The following CMPK2 variants were observed in gnomAD, a reference collection of about 807,000 sequenced individuals.
CMPK2 encodes UMP-CMP kinase 2, mitochondrial.
In CMPK2, 32 loss-of-function variants were observed where a neutral mutation model predicts 33.4. That is an observed-to-expected ratio of 0.96 (90% CI 0.72 to 1.29). The LOEUF is 1.29. CMPK2 is among the 50% of genes most tolerant of loss of function. CMPK2 has a pLI of 0.00. For synonymous variants in CMPK2, 299 were observed against 275.3 expected (o/e 1.09, Z -0.85); for missense variants, 672 against 616.0 (o/e 1.09, Z -0.96).
downstream of CMPK2, among the ~76,000 whole-genome samples, chr2:6,843,508 G>T (rs1327495068): frequency 2.0e-5 from 3 of 152,162 alleles, no homozygotes; most frequent in Non-Finnish European, 4.4e-5. Flanking sequence ...AGTTAGGGAA[G>T]GAGGTGGGAT....
chr2:6,857,042 TTATGCTACTATCATATGA>T (rs1215006161), intron 3 of CMPK2, among the ~76,000 whole-genome samples: 1 of 152,222 alleles, frequency 6.6e-6, no homozygotes, highest in Non-Finnish European at 1.5e-5. Flanking sequence ...CTCTAAGTGA[TTATGCTACTATCATATGA>T]TATGTTCTGA....
chr2:6,865,601 GC>G lies in CMPK2; in HGVS notation c.95del (p.Arg32ProfsTer16). 7.2e-7 allele frequency: 1 copy of G among 1,394,316 alleles called. No individual in the cohort carries two copies. Among genetic ancestry groups the G allele is most frequent in the Non-Finnish European group, 9.3e-7 (1 of 1,074,144 alleles). 86.4% of individuals were successfully genotyped at this position (1,394,316 alleles called of 1,614,324 possible). A position where few individuals can be genotyped will look rare whatever the true frequency, so the allele number is the denominator to read the frequency against. On this transcript the variant is annotated frameshift_variant, in exon 1 of 5. Transcript: ENST00000256722. LOFTEE classifies it high-confidence loss of function. ...TGCAGTCGGGAAGCTCCAGGACGAA[GC>G]GGCGCGGCGGAGCCATGGCCCCAGC... is the stretch of plus-strand genomic sequence containing the variant. The part of the protein sequence containing the change: ...VCAGAMAPPR[R>X]FVLELPDCTL...
intron 3 of CMPK2, chr2:6,840,798 T>C: frequency 1.6e-6 from 1 of 637,564 alleles, no homozygotes. Flanking sequence ...CTGCTAGAAC[T>C]GGGCCAGGGA....
Position 6,848,849 on chromosome 2 carries a change from T to A in CMPK2, c.*1001A>T, listed in dbSNP as rs902982649. ...GATTTCATATGTAATCATGAGACAT[T>A]CAAGTGCAAGATAATTTACCAAGAA... On this transcript the variant is annotated 3_prime_UTR_variant, in exon 5 of 5. Coordinates refer to ENST00000256722, the MANE Select transcript of CMPK2 (RefSeq NM_207315.4). 4 of 985,728 alleles carry A rather than the reference T, an allele frequency of 4.1e-6. No homozygotes were observed. The African/African-American group carries it at 7.0e-5, about 17-fold the overall frequency. 61.1% of individuals were successfully genotyped at this position (985,728 alleles called of 1,614,324 possible). A position where few individuals can be genotyped will look rare whatever the true frequency, so the allele number is the denominator to read the frequency against.
At position 6,843,006 on chromosome 2, in the gene CMPK2, CAGT is replaced by C. The variant is rs549000038; in HGVS notation, c.993-2331_993-2329del. On this transcript the variant is annotated intron_variant, in intron 3 of 3. Coordinates refer to the CMPK2 transcript ENST00000458098. ...TCAGTGCATTTTTGAGAAAGTCCCT[CAGT>C]TGGGACACAGAGGGGAATATCATCT... is the stretch of plus-strand genomic sequence containing the variant. Among the ~76,000 whole-genome samples the C allele has an allele frequency of 2.1e-3, 316 of 152,324 alleles. 1 individual carries two copies. The highest frequency in any genetic ancestry group is 3.5e-3 in the Non-Finnish European group (238 of 68,030).
chr2:6,865,769 A>G lies in CMPK2; in HGVS notation c.-73T>C. 7.9e-7 allele frequency: 1 copy of G among 1,258,878 alleles called. No homozygotes were observed. The highest frequency in any genetic ancestry group is 2.6e-5 in the South Asian group (1 of 38,370). The allele number at this position is 1,258,878 out of a possible 1,614,324, so 78.0% of individuals were successfully genotyped here. On this transcript the variant is annotated 5_prime_UTR_variant, in exon 1 of 5. Coordinates refer to ENST00000256722, the MANE Select transcript of CMPK2 (RefSeq NM_207315.4). ...TGGCGGGAGCCAGGCGCCGGCGGGA[A>G]ACGAAACCCGGAGGGAGCCAGGCGC...
At chr2:6,862,460 T>C (rs1261758702) in intron 2 of CMPK2, among the ~76,000 whole-genome samples, 1 of 152,260 alleles carries the variant, frequency 6.6e-6, no homozygotes, top group Non-Finnish European at 1.5e-5. Flanking sequence ...GTAACATTTG[T>C]ATGTGTGGAT....
At chr2:6,862,803 C>T (rs1014497719) in intron 2 of CMPK2, among the ~76,000 whole-genome samples, 2 of 152,208 alleles carry the variant, frequency 1.3e-5, no homozygotes, top group Non-Finnish European at 2.9e-5. Context: ...AAAGTCTGTA[C>T]CCCTCAAGTT....
downstream of CMPK2, among the ~76,000 whole-genome samples, chr2:6,846,746 A>T (rs1442715949): frequency 6.6e-6 from 1 of 152,244 alleles, no homozygotes; most frequent in Non-Finnish European, 1.5e-5. Context: ...CCAATCCCAC[A>T]TGATGGCTAG....
Position 6,865,226 on chromosome 2 carries a change from T to C in CMPK2, c.471A>G (p.Pro157=). The change falls in exon 1 of 5, where the codon CCA becomes CCG. Residue 157 remains proline (P), a synonymous_variant. Transcript: ENST00000256722. Reference sequence around the variant, plus strand: ...CCTCGAACTCGCCCAAGTGCGGGCGTGGTGCCTCCTGACAGGCGCCCAGCA... The same window carrying C: ...CCTCGAACTCGCCCAAGTGCGGGCGCGGTGCCTCCTGACAGGCGCCCAGCA... ...LELLGACQEA[P]RPHLGEFEAD... is the part of the protein sequence containing the mutation. 1 of 1,534,934 alleles carries C rather than the reference T, an allele frequency of 6.5e-7. No individual in the cohort carries two copies. Among genetic ancestry groups the C allele is most frequent in the Admixed American group, 1.9e-5 (1 of 51,804 alleles).
rs916058233 is a variant in CMPK2 at position 6,865,520 on chromosome 2, G to T, written c.177C>A (p.Asp59Glu). 7.8e-7 allele frequency: 1 copy of T among 1,287,848 alleles called. No homozygotes were observed. Among genetic ancestry groups the T allele is most frequent in the Non-Finnish European group, 9.8e-7 (1 of 1,022,354 alleles). The allele number at this position is 1,287,848 out of a possible 1,614,324, so 79.8% of individuals were successfully genotyped here. The change falls in exon 1 of 5, where the codon GAC (aspartate) becomes GAA (glutamate). Residue 59 changes from aspartate to glutamate, a missense_variant. Physicochemically the swap from Asp to Glu is conservative, Grantham distance 45 (BLOSUM62 2). Transcript: ENST00000256722. ...GCCCCAGCAGCGCCGCCAGGCGGGG[G>T]TCGGGGGCGTCTGCGTCGCCGGGGG... The part of the protein sequence containing the change: ...ADAPGDADAP[D>E]PRLAALLGPP...
intron 3 of CMPK2, among the ~76,000 whole-genome samples, chr2:6,841,206 T>C (rs1468919325): frequency 6.6e-6 from 1 of 152,162 alleles, no homozygotes; most frequent in Non-Finnish European, 1.5e-5. Context: ...AATGCTTTTA[T>C]CACCTTAGAG....
At position 6,849,198 on chromosome 2, in the gene CMPK2, T is replaced by C. The variant is rs963335107; in HGVS notation, c.*652A>G. ...TTGGAGCATCTTGGCTTGAATGTCT[T>C]TATATATGACTCAGAAGCCTATCAA... On this transcript the variant is annotated 3_prime_UTR_variant, in exon 5 of 5. Transcript: ENST00000256722. 1 of 985,402 alleles carries C rather than the reference T, an allele frequency of 1.0e-6. No homozygotes were observed. The highest frequency in any genetic ancestry group is 1.2e-6 in the Non-Finnish European group (1 of 829,902). 61.0% of individuals were successfully genotyped at this position (985,402 alleles called of 1,614,324 possible).
At chr2:6,865,955 C>CAAGCGT, upstream of CMPK2, 1 of 1,237,494 alleles carries the variant, frequency 8.1e-7, no homozygotes, top group Non-Finnish European at 1.1e-6. Context: ...GCCCCGGGGC[C>CAAGCGT]CCAGGTGCGC....
At chr2:6,846,112 T>C (rs1293798751), downstream of CMPK2, among the ~76,000 whole-genome samples, 2 of 152,190 alleles carry the variant, frequency 1.3e-5, no homozygotes, top group South Asian at 2.1e-4. Flanking sequence ...CTAGGTGGCA[T>C]TGTAGGGTTA....
Position 6,848,715 on chromosome 2 carries a change from G to A in CMPK2, c.*1135C>T. The A allele has an allele frequency of 1.0e-6, 1 of 985,670 alleles. No homozygotes were observed. The highest frequency in any genetic ancestry group is 1.7e-5 in the African/African-American group (1 of 57,350). The allele number at this position is 985,670 out of a possible 1,614,324, so 61.1% of individuals were successfully genotyped here. A position where few individuals can be genotyped will look rare whatever the true frequency, so the allele number is the denominator to read the frequency against. On this transcript the variant is annotated 3_prime_UTR_variant, in exon 5 of 5. Transcript: ENST00000256722. ...TTACAGATTTATCTGCCTTTGAACT[G>A]GAAGGAATTTTAGGTAATCACCTGG...
chr2:6,845,962 A>AT (rs1412445850), downstream of CMPK2, among the ~76,000 whole-genome samples: 18 of 151,892 alleles, frequency 1.2e-4, no homozygotes, highest in Middle Eastern at 3.4e-3. Context: ...GAAAGTGGAG[A>AT]TTTTTTTTGT....
intron 3 of CMPK2, among the ~76,000 whole-genome samples, chr2:6,860,384 T>C (rs551570595): frequency 6.6e-6 from 1 of 152,264 alleles, no homozygotes; most frequent in Non-Finnish European, 1.5e-5. Context: ...TTTGGCTGTG[T>C]CCCCACCCAA....
intron 4 of CMPK2, 126 bp downstream of exon 4, chr2:6,851,324 A>G (rs549265607): frequency 6.6e-7 from 1 of 1,506,136 alleles, no homozygotes; most frequent in Admixed American, 2.1e-5. Flanking sequence ...AACTTAGAGG[A>G]TGTTGTCTCT....
Sources: gnomAD v4.1 joint callset for allele counts (sites outside exome capture counted in the v4.1 genomes callset) on GRCh38, gnomAD v4.1.1 for gene constraint, MANE v1.5 for transcripts, NCBI Gene and HGNC (gene_info 2026-07-23, HGNC 2026-07-21) for gene names.